The following CNGB3 variants were observed in gnomAD, a reference collection of about 807,000 sequenced individuals.
CNGB3 encodes the protein cyclic nucleotide-gated channel beta-3.
Under a neutral mutation model 92.8 loss-of-function variants are expected in CNGB3, and 86 were observed. The observed-to-expected ratio is 0.93, with a 90% confidence interval of 0.78 to 1.11. The LOEUF (loss-of-function observed/expected upper bound fraction) is 1.11. CNGB3 is among the 50% of genes least tolerant of loss of function. The pLI, the probability that CNGB3 is intolerant of heterozygous loss-of-function variation, is 0.00. For synonymous variants in CNGB3, 333 were observed against 332.7 expected (o/e 1.00, Z -0.01); for missense variants, 1,026 against 956.8 (o/e 1.07, Z -0.95).
At position 86,651,181 on chromosome 8, in the gene CNGB3, CA is replaced by C. The variant is rs570852944; in HGVS notation, c.903+2830del. ...AAGGGGGGGTGTGTTTGGGGTGGGA[CA>C]AAAAAACTGCATACTGGATACAATG... On this transcript the variant is annotated intron_variant, in intron 7 of 17. Coordinates refer to ENST00000320005, the MANE Select transcript of CNGB3 (RefSeq NM_019098.5). Among the ~76,000 whole-genome samples the C allele has an allele frequency of 1.2e-3, 174 of 150,948 alleles. 1 individual carries two copies. Among genetic ancestry groups the C allele is most frequent in the African/African-American group, 3.7e-3 (151 of 41,212 alleles).
intron 1 of CNGB3, among the ~76,000 whole-genome samples, chr8:86,741,855 C>T (rs1466090471): frequency 2.0e-5 from 3 of 151,884 alleles, no homozygotes; most frequent in Non-Finnish European, 4.4e-5. Flanking sequence ...CTTCTTTTTT[C>T]GCCTTCTCTC....
intron 11 of CNGB3, among the ~76,000 whole-genome samples, chr8:86,632,275 A>T (rs1290024155): frequency 6.6e-6 from 1 of 151,774 alleles, no homozygotes; most frequent in Non-Finnish European, 1.5e-5. Context: ...TATGTATTTA[A>T]TTTCTTACTA....
chr8:86,627,882 A>G (rs1001681320), intron 12 of CNGB3, among the ~76,000 whole-genome samples: 2 of 152,222 alleles, frequency 1.3e-5, no homozygotes, highest in African/African-American at 4.8e-5. Context: ...CGCCTCTGCT[A>G]CACCTGAGAG....
At chr8:86,580,082 A>G (rs1019710116) in intron 15 of CNGB3, among the ~76,000 whole-genome samples, 1 of 152,070 alleles carries the variant, frequency 6.6e-6, no homozygotes, top group African/African-American at 2.4e-5. Flanking sequence ...GGCAATTGGG[A>G]AGCAAGGCAC....
At chr8:86,711,579 A>G (rs1824750691) in intron 3 of CNGB3, among the ~76,000 whole-genome samples, 1 of 152,130 alleles carries the variant, frequency 6.6e-6, no homozygotes, top group Admixed American at 6.6e-5. Flanking sequence ...ATAGTGAAGC[A>G]ATTTTTGATA....
chr8:86,717,876 A>G (rs1034794829), intron 3 of CNGB3, among the ~76,000 whole-genome samples: 5 of 152,156 alleles, frequency 3.3e-5, no homozygotes, highest in Admixed American at 1.3e-4. Context: ...GAAACCATGC[A>G]AACACACGAA....
chr8:86,579,635 T>TGCCCTCTGACTTCACTTGGGCTC (rs1377338558), intron 15 of CNGB3, among the ~76,000 whole-genome samples: 3 of 152,358 alleles, frequency 2.0e-5, no homozygotes, highest in African/African-American at 7.2e-5. Flanking sequence ...TCTGTAGGCT[T>TGCCCTCTGACTTCACTTGGGCTC]GCCCTCTGAC....
chr8:86,584,692 T>C (rs1821859335), intron 15 of CNGB3, among the ~76,000 whole-genome samples: 1 of 152,168 alleles, frequency 6.6e-6, no homozygotes, highest in Non-Finnish European at 1.5e-5. Flanking sequence ...GAGCCCATGC[T>C]GGAGTACAAA....
At chr8:86,623,684 T>C (rs932758398) in intron 13 of CNGB3, among the ~76,000 whole-genome samples, 8 of 152,300 alleles carry the variant, frequency 5.3e-5, no homozygotes, top group African/African-American at 1.9e-4. Flanking sequence ...GACACCATTA[T>C]CCAAATCATA....
chr8:86,675,926 T>A (rs544612527), intron 3 of CNGB3, among the ~76,000 whole-genome samples: 2 of 152,308 alleles, frequency 1.3e-5, no homozygotes, highest in Admixed American at 1.3e-4. Context: ...TTTTACCCTC[T>A]AGGGCAATGC....
chr8:86,652,870 G>C (rs2131601993), intron 7 of CNGB3, among the ~76,000 whole-genome samples: 1 of 152,186 alleles, frequency 6.6e-6, no homozygotes, highest in African/African-American at 2.4e-5. Flanking sequence ...GTACAGGATA[G>C]TAAATACATA....
chr8:86,691,657 T>A (rs987540921), intron 3 of CNGB3, among the ~76,000 whole-genome samples: 1 of 152,180 alleles, frequency 6.6e-6, no homozygotes, highest in African/African-American at 2.4e-5. Flanking sequence ...GTATTTATTT[T>A]GTTTACTTTT....
chr8:86,580,381 C>T (rs1821740343), intron 15 of CNGB3, among the ~76,000 whole-genome samples: 1 of 152,194 alleles, frequency 6.6e-6, no homozygotes, highest in Non-Finnish European at 1.5e-5. Context: ...ACTCAATTGC[C>T]TCACTTGAGT....
intron 3 of CNGB3, among the ~76,000 whole-genome samples, chr8:86,671,508 G>A (rs1034748276): frequency 1.3e-5 from 2 of 152,212 alleles, no homozygotes; most frequent in African/African-American, 2.4e-5. Context: ...AGTAGTCCAT[G>A]TTATGTGGCA....
At chr8:86,734,779 C>T (rs1456462325) in intron 2 of CNGB3, among the ~76,000 whole-genome samples, 1 of 152,148 alleles carries the variant, frequency 6.6e-6, no homozygotes, top group Non-Finnish European at 1.5e-5. Flanking sequence ...TAGCCTCTGA[C>T]CTCTTCAGAC....
At chr8:86,645,824 TAA>T (rs1373596412) in intron 8 of CNGB3, among the ~76,000 whole-genome samples, 1 of 151,254 alleles carries the variant, frequency 6.6e-6, no homozygotes, top group African/African-American at 2.4e-5. Context: ...AAATTTAGCT[TAA>T]GTGTTCACTA....
intron 3 of CNGB3, among the ~76,000 whole-genome samples, chr8:86,686,688 C>T (rs187871368): frequency 2.6e-5 from 4 of 152,098 alleles, no homozygotes; most frequent in East Asian, 1.9e-4. Flanking sequence ...TGGTTCCTAC[C>T]GTGCTATCTG....
At chr8:86,683,247 T>C (rs559722911) in intron 3 of CNGB3, among the ~76,000 whole-genome samples, 3 of 152,224 alleles carry the variant, frequency 2.0e-5, no homozygotes, top group African/African-American at 7.2e-5. Context: ...ATACTCTGAG[T>C]GCCAAATTAA....
chr8:86,628,021 TTAA>T (rs1822882811), intron 12 of CNGB3, among the ~76,000 whole-genome samples: 1 of 152,216 alleles, frequency 6.6e-6, no homozygotes, highest in Non-Finnish European at 1.5e-5. Context: ...TATAATTTTC[TTAA>T]TAACATTTTC....
Sources: allele counts gnomAD v4.1 joint callset (sites outside exome capture counted in the v4.1 genomes callset), GRCh38; gene constraint gnomAD v4.1.1; transcripts MANE v1.5; gene names NCBI Gene and HGNC (gene_info 2026-07-23, HGNC 2026-07-21).